MBOAT2: variants seen among roughly 807,000 people sequenced by gnomAD.
The protein encoded by MBOAT2 is membrane bound glycerophospholipid O-acyltransferase 2, also known as membrane-bound glycerophospholipid O-acyltransferase 2.
In MBOAT2, 28 loss-of-function variants were observed where a neutral mutation model predicts 63.4. The observed-to-expected ratio is 0.44, with a 90% confidence interval of 0.33 to 0.61. The LOEUF is 0.61. MBOAT2 is among the 20% of genes least tolerant of loss of function. The pLI, the probability that MBOAT2 is intolerant of heterozygous loss-of-function variation, is 0.03. For synonymous variants in MBOAT2, 211 were observed against 215.6 expected (o/e 0.98, Z 0.19); for missense variants, 470 against 605.8 (o/e 0.78, Z 2.35).
chr2:8,949,815 A>G (rs193150225), intron 2 of MBOAT2, among the ~76,000 whole-genome samples: 17 of 152,228 alleles, frequency 1.1e-4, no homozygotes, highest in Non-Finnish European at 2.1e-4. Flanking sequence ...TGCTTTGGCT[A>G]TTTGGGCTCT....
intron 4 of MBOAT2, among the ~76,000 whole-genome samples, chr2:8,899,900 A>G (rs1208639429): frequency 6.6e-6 from 1 of 152,150 alleles, no homozygotes; most frequent in East Asian, 1.9e-4. Context: ...TAATGCCTCC[A>G]GATTTTGTTC....
intron 5 of MBOAT2, among the ~76,000 whole-genome samples, chr2:8,885,505 T>C (rs1300696770): frequency 1.3e-5 from 2 of 152,072 alleles, no homozygotes; most frequent in Non-Finnish European, 2.9e-5. Flanking sequence ...ATATTCAACC[T>C]GTACAAACAT....
chr2:8,936,108 T>C (rs1432871272), intron 3 of MBOAT2, among the ~76,000 whole-genome samples: 3 of 152,200 alleles, frequency 2.0e-5, no homozygotes, highest in African/African-American at 4.8e-5. Flanking sequence ...CAGCCTTTGG[T>C]ACACCCTTCT....
intron 1 of MBOAT2, among the ~76,000 whole-genome samples, chr2:8,982,195 C>T (rs1159374631): frequency 1.3e-5 from 2 of 152,128 alleles, no homozygotes; most frequent in Non-Finnish European, 2.9e-5. Flanking sequence ...GCAGTCAACT[C>T]GTGATTTACC....
chr2:8,889,974 G>A (rs570866265), intron 4 of MBOAT2, among the ~76,000 whole-genome samples: 8 of 152,196 alleles, frequency 5.3e-5, no homozygotes, highest in African/African-American at 1.9e-4. Context: ...CTGGGAGGAC[G>A]GGTAAGGTGT....
Position 8,943,210 on chromosome 2 carries a change from G to A in MBOAT2, c.276C>T (p.Ile92=), listed in dbSNP as rs1290254951. 2 of 1,581,084 alleles carry A rather than the reference G, an allele frequency of 1.3e-6. No homozygotes were observed. The highest frequency in any genetic ancestry group is 1.7e-6 in the Non-Finnish European group (2 of 1,159,082). ...ACTTGTGCATGTTCTCCACTCCTAT[G>A]ATGATCATGATACAGTAGGAAATTC... The part of the protein sequence containing the change: ...QSGISYCIMI[I]IGVENMHNYC... The change falls in exon 3 of 13, where the codon ATC becomes ATT. Residue 92 remains isoleucine, a synonymous_variant. Transcript: ENST00000305997.
At chr2:8,896,088 AATT>A (rs1182447327) in intron 4 of MBOAT2, among the ~76,000 whole-genome samples, 4 of 151,998 alleles carry the variant, frequency 2.6e-5, no homozygotes, top group Non-Finnish European at 5.9e-5. Flanking sequence ...ATGCAAAAAA[AATT>A]ATCCAGGCGT....
intron 1 of MBOAT2, among the ~76,000 whole-genome samples, chr2:8,981,604 T>C (rs923376647): frequency 6.6e-6 from 1 of 150,854 alleles, no homozygotes; most frequent in African/African-American, 2.4e-5. Flanking sequence ...GCTGCTTCTG[T>C]GACAGGAGTG....
chr2:8,856,343 A>C lies in MBOAT2; in HGVS notation c.*2336T>G, dbSNP rs1055729498. Reference sequence around the variant, plus strand: ...CACACACACACACACACACACACGAACAAAACCCAACAAGTTTGTATTAAG... The same window carrying C: ...CACACACACACACACACACACACGACCAAAACCCAACAAGTTTGTATTAAG... On this transcript the variant is annotated 3_prime_UTR_variant, in exon 13 of 13. Coordinates refer to ENST00000305997, the MANE Select transcript of MBOAT2 (RefSeq NM_138799.4). This position sits in a 1 kb window ranked among gnomAD's most constrained non-coding sequence, Gnocchi z 4.2. 2 of 151,810 alleles carry C rather than the reference A, an allele frequency of 1.3e-5. No individual in the cohort carries two copies. Among genetic ancestry groups the C allele is most frequent in the African/African-American group, 4.8e-5 (2 of 41,442 alleles). The allele number at this position is 151,810 out of a possible 1,614,324, so 9.4% of individuals were successfully genotyped here. A position where few individuals can be genotyped will look rare whatever the true frequency, so the allele number is the denominator to read the frequency against.
At chr2:8,903,077 CA>C (rs1337990499) in intron 4 of MBOAT2, among the ~76,000 whole-genome samples, 2 of 152,154 alleles carry the variant, frequency 1.3e-5, no homozygotes, top group Non-Finnish European at 2.9e-5. Context: ...GAGCTAGACA[CA>C]AAAGTTCTCC....
intron 9 of MBOAT2, among the ~76,000 whole-genome samples, chr2:8,864,886 C>A (rs1346587734): frequency 1.3e-5 from 2 of 152,294 alleles, no homozygotes; most frequent in Non-Finnish European, 2.9e-5. Flanking sequence ...TCACTTCTGA[C>A]CATTTTAGAT....
At chr2:8,967,888 C>T (rs1159082390) in intron 1 of MBOAT2, among the ~76,000 whole-genome samples, 1 of 152,018 alleles carries the variant, frequency 6.6e-6, no homozygotes, top group Non-Finnish European at 1.5e-5. Flanking sequence ...TAAACAAAGT[C>T]AAAGGACAAA....
chr2:8,981,371 C>T (rs1360866459), intron 1 of MBOAT2, among the ~76,000 whole-genome samples: 1 of 152,156 alleles, frequency 6.6e-6, no homozygotes, highest in Non-Finnish European at 1.5e-5. Context: ...TGTGCATTAT[C>T]TTTACATAAT....
chr2:8,946,411 T>C (rs1210688034), intron 2 of MBOAT2, among the ~76,000 whole-genome samples: 2 of 152,170 alleles, frequency 1.3e-5, no homozygotes, highest in Non-Finnish European at 2.9e-5. Flanking sequence ...AACTTGCAGA[T>C]GATTGTTTTA....
Position 8,854,950 on chromosome 2 carries a change from C to G in MBOAT2, c.*3729G>C, listed in dbSNP as rs1015800609. ...GTATAAAATATTTCAGAGCATATATCTTCTCCAATTCCACACAGCACAGAA... is the reference window on the plus strand; with the variant it reads ...GTATAAAATATTTCAGAGCATATATGTTCTCCAATTCCACACAGCACAGAA... On this transcript the variant is annotated 3_prime_UTR_variant, in exon 13 of 13. Transcript: ENST00000305997. 6.6e-6 allele frequency: 1 copy of G among 152,220 alleles called. No homozygotes were observed. The highest frequency in any genetic ancestry group is 1.5e-5 in the Non-Finnish European group (1 of 68,038). 9.4% of individuals were successfully genotyped at this position (152,220 alleles called of 1,614,324 possible). A position where few individuals can be genotyped will look rare whatever the true frequency, so the allele number is the denominator to read the frequency against.
intron 4 of MBOAT2, among the ~76,000 whole-genome samples, chr2:8,889,847 T>C (rs1420765667): frequency 6.6e-6 from 1 of 152,206 alleles, no homozygotes; most frequent in African/African-American, 2.4e-5. Context: ...GCTCTGAGTG[T>C]CCTTCTTGTG....
intron 4 of MBOAT2, among the ~76,000 whole-genome samples, chr2:8,893,699 A>G (rs2148560085): frequency 6.6e-6 from 1 of 152,364 alleles, no homozygotes; most frequent in African/African-American, 2.4e-5. Flanking sequence ...ACTACATAAC[A>G]AAGTATCCAC....
chr2:9,000,720 T>C (rs938019338), intron 1 of MBOAT2, among the ~76,000 whole-genome samples: 2 of 152,226 alleles, frequency 1.3e-5, no homozygotes. Flanking sequence ...GTGACCAGCG[T>C]GTGAATGCAA....
At chr2:9,002,727 T>C (rs1348601874) in intron 1 of MBOAT2, among the ~76,000 whole-genome samples, 2 of 152,038 alleles carry the variant, frequency 1.3e-5, no homozygotes, top group Non-Finnish European at 2.9e-5. Flanking sequence ...CACAATGCTG[T>C]TTATTTCTCA....
Sources: gnomAD v4.1 joint callset for allele counts (sites outside exome capture counted in the v4.1 genomes callset) on GRCh38, gnomAD v4.1.1 for gene constraint, Gnocchi (gnomAD v3.1) non-coding constraint, MANE v1.5 for transcripts, NCBI Gene and HGNC (gene_info 2026-07-23, HGNC 2026-07-21) for gene names.